The following STARD9 variants were observed in gnomAD, a reference collection of about 807,000 sequenced individuals.
The protein encoded by STARD9 is stAR-related lipid transfer protein 9.
Under a neutral mutation model 399.8 loss-of-function variants are expected in STARD9, and 346 were observed. The ratio of observed to expected loss-of-function variants is 0.87; its 90% CI spans 0.79 to 0.95. The LOEUF (loss-of-function observed/expected upper bound fraction) is 0.95, where lower values mean the gene tolerates loss of function less well. STARD9 is among the 40% of genes least tolerant of loss of function. The pLI, the probability that STARD9 is intolerant of heterozygous loss-of-function variation, is 0.00. For synonymous variants in STARD9, 2,203 were observed against 2,143.5 expected (o/e 1.03, Z -0.77); for missense variants, 5,832 against 5,667.5 (o/e 1.03, Z -0.93).
intron 25 of STARD9, 43 bp from the exon 26 acceptor site, chr15:42,695,700 A>AG: frequency 6.6e-7 from 1 of 1,520,534 alleles, no homozygotes; most frequent in East Asian, 2.5e-5. Context: ...GGGGAAAGTG[A>AG]GGGTGCATCA....
intron 7 of STARD9, among the ~76,000 whole-genome samples, chr15:42,643,058 TATACTA>T (rs2059572694): frequency 6.6e-6 from 1 of 151,830 alleles, no homozygotes; most frequent in African/African-American, 2.4e-5. Context: ...CAATCTTTGG[TATACTA>T]ATACATTTAT....
chr15:42,607,904 C>G (rs1007490339), intron 3 of STARD9, among the ~76,000 whole-genome samples: 1 of 152,070 alleles, frequency 6.6e-6, no homozygotes, highest in Admixed American at 6.6e-5. Context: ...TATTGAAAAC[C>G]AGCCTCAAGT....
At position 42,669,307 on chromosome 15, in the gene STARD9, C is replaced by G; in HGVS notation, c.1467C>G (p.Leu489=). 6.5e-7 allele frequency: 1 copy of G among 1,535,308 alleles called. No individual in the cohort carries two copies. Among genetic ancestry groups the G allele is most frequent in the Non-Finnish European group, 8.7e-7 (1 of 1,145,382 alleles). The change falls in exon 16 of 33, where the codon CTC becomes CTG. Residue 489 remains leucine (L), a synonymous_variant. Coordinates refer to ENST00000290607, the MANE Select transcript of STARD9 (RefSeq NM_020759.3). ...PHLMALEDDV[L]STGVVLYHLK... Reference sequence around the variant, plus strand: ...TGATGGCCTTGGAGGATGATGTGCTCAGCACAGGTGTTGTGCTCTATCATC... The same window carrying G: ...TGATGGCCTTGGAGGATGATGTGCTGAGCACAGGTGTTGTGCTCTATCATC...
At position 42,602,997 on chromosome 15, in the gene STARD9, C is replaced by T. The variant is rs543557848; in HGVS notation, c.234+17360C>T. Among the ~76,000 whole-genome samples, 66 of 152,272 alleles carry T rather than the reference C, an allele frequency of 4.3e-4. No homozygotes were observed. The South Asian group carries it at 0.013, about 29-fold the overall frequency. On this transcript the variant is annotated intron_variant, in intron 3 of 32. Coordinates refer to ENST00000290607, the MANE Select transcript of STARD9 (RefSeq NM_020759.3). ...TCCTGCCTCATATCCAGTATGGATC[C>T]TTGCTGCTACTTGCTGCTCTTTCTG...
chr15:42,598,000 A>ATGTG (rs572054615), intron 3 of STARD9, among the ~76,000 whole-genome samples: 11,383 of 114,922 alleles, frequency 0.099, 656 homozygotes, highest in African/African-American at 0.15. Flanking sequence ...GTATATATAT[A>ATGTG]TGTGTGTGTG....
rs907381154 is a variant in STARD9, at chr15:42,693,199, C to T, written c.11621C>T (p.Ser3874Phe). Residue 3874 changes from serine (S) to phenylalanine (F), a missense_variant, in exon 23 of 33, where the codon TCC becomes TTC. Ser to Phe is a radical substitution (Grantham distance 155). Transcript: ENST00000290607. Reference sequence around the variant, plus strand: ...TCCCCAGGGCTCTTTCCCAGTACTTCCGAGTATCCTGGGGACTCCAGGGTC... The same window carrying T: ...TCCCCAGGGCTCTTTCCCAGTACTTTCGAGTATCCTGGGGACTCCAGGGTC... ...PHSPGLFPSTSEYPGDSRVQK... is the reference protein window; with the variant it reads ...PHSPGLFPSTFEYPGDSRVQK... 3.3e-6 allele frequency: 5 copies of T among 1,537,018 alleles called. No homozygotes were observed. The highest frequency in any genetic ancestry group is 2.0e-5 in the Admixed American group (1 of 50,976).
chr15:42,639,026 T>C (rs2059480736), intron 7 of STARD9, among the ~76,000 whole-genome samples: 1 of 151,918 alleles, frequency 6.6e-6, no homozygotes, highest in Admixed American at 6.5e-5. Flanking sequence ...AACAAACAAT[T>C]ACAAGTAGTG....
Position 42,689,412 on chromosome 15 carries a change from G to A in STARD9, c.7834G>A (p.Glu2612Lys), listed in dbSNP as rs2060637554. ...ATCAGACCAGACCAGGAATGAGGGT[G>A]AAGCACCGGGATTTCATGTGGCATC... ...SSSDQTRNEG[E>K]APGFHVASLS... The change falls in exon 23 of 33, where the codon GAA becomes AAA. Residue 2612 changes from glutamate to lysine, a missense_variant. Transcript: ENST00000290607. The A allele has an allele frequency of 6.5e-7, 1 of 1,537,416 alleles. No homozygotes were observed. The highest frequency in any genetic ancestry group is 8.7e-7 in the Non-Finnish European group (1 of 1,146,954).
chr15:42,576,014 A>C (rs1275119847), intron 1 of STARD9, among the ~76,000 whole-genome samples: 1 of 152,162 alleles, frequency 6.6e-6, no homozygotes, highest in African/African-American at 2.4e-5. Context: ...GCGTCCTGCC[A>C]GCAGGAGTTT....
chr15:42,655,007 C>T (rs1307578548), intron 9 of STARD9, among the ~76,000 whole-genome samples: 4 of 152,146 alleles, frequency 2.6e-5, no homozygotes, highest in Non-Finnish European at 4.4e-5. Flanking sequence ...CTGGGCCAGG[C>T]GCAGTGGCTC....
In STARD9 at chr15:42,688,211, A is replaced by G. The variant is rs1595776688; in HGVS notation, c.6633A>G (p.Pro2211=). ...TGAAAGCATTGGCTAGAGCTCTGCC[A>G]TTGCAACCCAGGCTAGAGAGGTCTT... ...QRMKALARAL[P]LQPRLERSSK... The change falls in exon 23 of 33, where the codon CCA becomes CCG. Residue 2211 remains proline (P), a synonymous_variant. Transcript: ENST00000290607. The G allele has an allele frequency of 1.3e-6, 2 of 1,537,336 alleles. No homozygotes were observed. The highest frequency in any genetic ancestry group is 1.7e-4 in the Middle Eastern group (1 of 6,014).
intron 1 of STARD9, chr15:42,581,126 C>A: frequency 1.4e-6 from 1 of 727,624 alleles, no homozygotes; most frequent in South Asian, 1.4e-5. Context: ...GCAGGAGAGT[C>A]AGATGCCCAT....
At chr15:42,680,897 G>A (rs1295402901) in intron 20 of STARD9, among the ~76,000 whole-genome samples, 2 of 152,146 alleles carry the variant, frequency 1.3e-5, no homozygotes, top group African/African-American at 2.4e-5. Context: ...ACACACAGGC[G>A]TGGTGTGTGT....
At chr15:42,611,989 G>T (rs892896731) in intron 3 of STARD9, among the ~76,000 whole-genome samples, 2 of 152,048 alleles carry the variant, frequency 1.3e-5, no homozygotes, top group Non-Finnish European at 2.9e-5. Flanking sequence ...TATTATTAGA[G>T]ACAGGGTCTC....
intron 3 of STARD9, among the ~76,000 whole-genome samples, chr15:42,602,077 A>G (rs996089139): frequency 5.3e-5 from 8 of 152,228 alleles, no homozygotes; most frequent in African/African-American, 1.4e-4. Flanking sequence ...TTGAACTCCT[A>G]ACGTCAAGTG....
intron 9 of STARD9, among the ~76,000 whole-genome samples, chr15:42,657,039 G>A (rs1011581089): frequency 6.6e-6 from 1 of 152,094 alleles, no homozygotes; most frequent in Non-Finnish European, 1.5e-5. Context: ...GAGAGCTGGA[G>A]TGGTATTTTA....
Position 42,686,709 on chromosome 15 carries a change from A to G in STARD9, c.5131A>G (p.Arg1711Gly). ...GGAGAGCTCTAAGGAAGCAGTTAGAAGACACATAAATGTTTCCTTTGCCCT... is the reference window on the plus strand; with the variant it reads ...GGAGAGCTCTAAGGAAGCAGTTAGAGGACACATAAATGTTTCCTTTGCCCT... ...CQESSKEAVR[R>G]HINVSFALPS... Residue 1711 changes from arginine to glycine, a missense_variant, in exon 23 of 33, where the codon AGA becomes GGA. Arg to Gly is a moderately radical substitution (Grantham distance 125). Transcript: ENST00000290607. 6.5e-7 allele frequency: 1 copy of G among 1,537,744 alleles called. No individual in the cohort carries two copies. The highest frequency in any genetic ancestry group is 8.7e-7 in the Non-Finnish European group (1 of 1,147,024).
At chr15:42,663,168 G>C in intron 11 of STARD9, 113 bp from the exon 12 acceptor site, 1 of 999,030 alleles carries the variant, frequency 1.0e-6, no homozygotes, top group Non-Finnish European at 1.4e-6. Context: ...ATTGTATGCA[G>C]AAGGGATTAG....
rs115827874 is a variant in STARD9, at chr15:42,582,661, C to T, written c.48-685C>T. ...TGCTGGAGAAAATGAGAGATGATGC[C>T]GTGTTATATGCTGGGCCAAGGATGC... On this transcript the variant is annotated intron_variant, in intron 1 of 32. Transcript: ENST00000290607. Among the ~76,000 whole-genome samples the T allele has an allele frequency of 1.3e-3, 194 of 152,166 alleles. 2 individuals carry two copies. The highest frequency in any genetic ancestry group is 4.1e-3 in the African/African-American group (170 of 41,498).
Sources: allele counts gnomAD v4.1 joint callset (sites outside exome capture counted in the v4.1 genomes callset), GRCh38; gene constraint gnomAD v4.1.1; transcripts MANE v1.5; gene names NCBI Gene and HGNC (gene_info 2026-07-23, HGNC 2026-07-21).